Variants in ZNF786 observed in about 807,000 individuals in gnomAD.
ZNF786 encodes zinc finger protein 786.
A neutral mutation model predicts 63.1 loss-of-function variants in ZNF786; 56 were observed. The ratio of observed to expected loss-of-function variants is 0.89; its 90% CI spans 0.72 to 1.11. The LOEUF (loss-of-function observed/expected upper bound fraction) is 1.11. Ranked by LOEUF, ZNF786 falls within the 50% of genes least tolerant of loss-of-function variation. ZNF786 has a pLI of 0.00. For synonymous variants in ZNF786, 485 were observed against 406.9 expected, an observed-to-expected ratio of 1.19 and a Z score of -2.31; for missense variants, 1,213 against 1,041.8, an observed-to-expected ratio of 1.16 and a Z score of -2.26.
intron 2 of ZNF786, among the ~76,000 whole-genome samples, chr7:149,076,014 T>A (rs1468459438): frequency 6.6e-6 from 1 of 152,016 alleles, no homozygotes; most frequent in Non-Finnish European, 1.5e-5. Context: ...AGCCCCTGTA[T>A]ATCCCTCTCC....
intron 1 of ZNF786, among the ~76,000 whole-genome samples, chr7:149,089,905 G>T (rs1300217070): frequency 6.6e-6 from 1 of 151,200 alleles, no homozygotes; most frequent in Non-Finnish European, 1.5e-5. Context: ...AGTAGAGTTG[G>T]GGTTTCACCA....
intron 2 of ZNF786, among the ~76,000 whole-genome samples, chr7:149,077,712 G>C (rs188927811): frequency 1.3e-3 from 194 of 152,156 alleles, no homozygotes; most frequent in Middle Eastern, 3.4e-3. Flanking sequence ...CCAGAACTTG[G>C]GGAGGCCAAG....
In ZNF786 at chr7:149,071,149, C is replaced by G; in HGVS notation, c.1623G>C (p.Lys541Asn). The G allele has an allele frequency of 6.2e-7, 1 of 1,606,980 alleles. No individual in the cohort carries two copies. Among genetic ancestry groups the G allele is most frequent in the South Asian group, 1.1e-5 (1 of 90,504 alleles). The change falls in exon 4 of 4, where the codon AAG (lysine) becomes AAC (asparagine). Residue 541 changes from lysine to asparagine, a missense_variant. Transcript: ENST00000491431. ...CCTTCAGGCGGAAGCGCTTGTCGCA[C>G]TTCAGGCACTGGAAGGGCCTCTCCC... is the stretch of plus-strand genomic sequence containing the variant. ...HSGERPFQCL[K>N]CDKRFRLKGI...
rs1563135649 is a variant in ZNF786, at chr7:149,070,401, G to A, written c.*22C>T. 3.1e-6 allele frequency: 5 copies of A among 1,606,932 alleles called. No homozygotes were observed. In the East Asian group the frequency reaches 8.9e-5, roughly 29 times the overall value. The stretch of plus-strand genomic sequence containing the variant: ...CTGGGCAATACCAATCCTGCTCAAC[G>A]CTTTGGATGTCCCACTCTGCCTCAA... On this transcript the variant is annotated 3_prime_UTR_variant, in exon 4 of 4. Transcript: ENST00000491431.
chr7:149,083,101 T>G (rs1465457310), intron 1 of ZNF786, among the ~76,000 whole-genome samples: 1 of 152,160 alleles, frequency 6.6e-6, no homozygotes, highest in Non-Finnish European at 1.5e-5. Flanking sequence ...TTTCACCATG[T>G]TGGCCAGGCT....
chr7:149,072,899 T>C (rs1478239736), intron 3 of ZNF786, among the ~76,000 whole-genome samples: 1 of 152,202 alleles, frequency 6.6e-6, no homozygotes, highest in African/African-American at 2.4e-5. Flanking sequence ...GTGCCTGGCA[T>C]AGTGCATGTA....
Position 149,071,918 on chromosome 7 carries a change from C to A in ZNF786, c.854G>T (p.Ser285Ile), listed in dbSNP as rs772685522. The change falls in exon 4 of 4, where the codon AGC (serine) becomes ATC (isoleucine). Residue 285 changes from serine (S) to isoleucine (I), a missense_variant. Physicochemically the swap from Ser to Ile is moderately radical, Grantham distance 142. Coordinates refer to ENST00000491431, the MANE Select transcript of ZNF786 (RefSeq NM_152411.4). ...MCFRHELTHP[S>I]HRLPQQGEKP... is the part of the protein sequence containing the mutation. ...CTCCCCCTGCTGCGGGAGGCGGTGG[C>A]TGGGATGGGTCAGCTCGTGTCGGAA... The A allele has an allele frequency of 9.3e-6, 15 of 1,606,552 alleles. No individual in the cohort carries two copies. Among genetic ancestry groups the A allele is most frequent in the Non-Finnish European group, 1.3e-5 (15 of 1,177,306 alleles).
Position 149,072,137 on chromosome 7 carries a change from T to A in ZNF786, c.635A>T (p.Asp212Val). The stretch of plus-strand genomic sequence containing the variant: ...TTTCTCCCAGGCCCTACGTGTCCGG[T>A]CCTTTGAGTGGCCTCTCTGGTGCAT... Reference protein sequence around the residue: ...LVMHQRGHSKDRTRRAWEKFN... With the variant: ...LVMHQRGHSKVRTRRAWEKFN... Residue 212 changes from aspartate (D) to valine (V), a missense_variant, in exon 4 of 4, where the codon GAC becomes GTC. Coordinates refer to ENST00000491431, the MANE Select transcript of ZNF786 (RefSeq NM_152411.4). 6.2e-7 allele frequency: 1 copy of A among 1,613,202 alleles called. No homozygotes were observed. The highest frequency in any genetic ancestry group is 1.7e-5 in the Admixed American group (1 of 59,898).
Position 149,070,762 on chromosome 7 carries a change from G to A in ZNF786, c.2010C>T (p.His670=), listed in dbSNP as rs372936379. The change falls in exon 4 of 4, where the codon CAC becomes CAT. Residue 670 remains histidine (H), a synonymous_variant. Transcript: ENST00000491431. ...GACACTGAAAAGGCTTCTCTCCCGT[G>A]TGCGTTCTGATGTGCTCGATGAGCT... ...HSKLIEHIRT[H]TGEKPFQCPK... 28 of 1,613,678 alleles carry A rather than the reference G, an allele frequency of 1.7e-5. No homozygotes were observed. Among genetic ancestry groups the A allele is most frequent in the Non-Finnish European group, 2.4e-5 (28 of 1,179,956 alleles).
chr7:149,075,245 A>G (rs1161829277), intron 2 of ZNF786, among the ~76,000 whole-genome samples: 1 of 152,178 alleles, frequency 6.6e-6, no homozygotes, highest in Non-Finnish European at 1.5e-5. Context: ...GCTTTAAGTT[A>G]TTATTACTAT....
In ZNF786 at chr7:149,070,334, AAC is replaced by A. The variant is rs909353358; in HGVS notation, c.*87_*88del. 45 of 1,522,774 alleles carry A rather than the reference AAC, an allele frequency of 3.0e-5. No individual in the cohort carries two copies. In the African/African-American group the frequency reaches 5.5e-4, roughly 19 times the overall value. The allele number at this position is 1,522,774 out of a possible 1,614,324, so 94.3% of individuals were successfully genotyped here. A position where few individuals can be genotyped will look rare whatever the true frequency, so the allele number is the denominator to read the frequency against. ...CTCAAAGAAGGATACCTGCTCCTAAAACCCGTCTACCAGCGGGTCTGGCTACT... is the reference window on the plus strand; with the variant it reads ...CTCAAAGAAGGATACCTGCTCCTAAACCGTCTACCAGCGGGTCTGGCTACT... On this transcript the variant is annotated 3_prime_UTR_variant, in exon 4 of 4. Transcript: ENST00000491431.
chr7:149,072,069 G>C lies in ZNF786; in HGVS notation c.703C>G (p.Arg235Gly), dbSNP rs747892425. Residue 235 changes from arginine to glycine, a missense_variant, in exon 4 of 4, where the codon CGG (arginine) becomes GGG (glycine). Coordinates refer to ENST00000491431, the MANE Select transcript of ZNF786 (RefSeq NM_152411.4). ...AETQMPWSSP[R>G]VQRHFRCGVC... Reference sequence around the variant, plus strand: ...CCACACCGGAAGTGCCTCTGTACCCGAGGGCTGCTCCACGGCATCTGCGTC... The same window carrying C: ...CCACACCGGAAGTGCCTCTGTACCCCAGGGCTGCTCCACGGCATCTGCGTC... The C allele has an allele frequency of 4.3e-6, 7 of 1,613,176 alleles. No individual in the cohort carries two copies. The highest frequency in any genetic ancestry group is 5.9e-6 in the Non-Finnish European group (7 of 1,179,696).
In ZNF786 at chr7:149,071,648, C is replaced by T. The variant is rs1276728995; in HGVS notation, c.1124G>A (p.Gly375Asp). The T allele has an allele frequency of 3.8e-6, 6 of 1,573,392 alleles. No individual in the cohort carries two copies. Among genetic ancestry groups the T allele is most frequent in the Non-Finnish European group, 4.3e-6 (5 of 1,164,450 alleles). ...CCTGGCGCTCATAGGGGAGCGCTCG[C>T]CACACTCCGAGCAGGAGCAGGGCCC... ...AEGPCSCSECGERSPMSARLA... is the reference protein window; with the variant it reads ...AEGPCSCSECDERSPMSARLA... Residue 375 changes from glycine (G) to aspartate (D), a missense_variant, in exon 4 of 4, where the codon GGC (glycine) becomes GAC (aspartate). Transcript: ENST00000491431.
At chr7:149,086,794 C>G (rs931051297) in intron 1 of ZNF786, among the ~76,000 whole-genome samples, 27 of 152,186 alleles carry the variant, frequency 1.8e-4, no homozygotes, top group African/African-American at 3.4e-4. Context: ...GGATCCACCC[C>G]CCATGACCTA....
At position 149,071,970 on chromosome 7, in the gene ZNF786, AG is replaced by A. The variant is rs760051623; in HGVS notation, c.801del (p.Phe268SerfsTer14). 3.7e-6 allele frequency: 6 copies of A among 1,612,306 alleles called. No individual in the cohort carries two copies. The Admixed American group carries it at 6.7e-5, about 18-fold the overall frequency. On this transcript the variant is annotated frameshift_variant, in exon 4 of 4. Transcript: ENST00000491431. LOFTEE classifies it high-confidence loss of function. ...RHLAAHTGRG[P>X]FRNADGEMCF... ...CACATTTCACCGTCAGCGTTCCGGA[AG>A]GGGCCCCTCCCCGTGTGGGCCGCCA... is the stretch of plus-strand genomic sequence containing the variant.
chr7:149,071,045 CTGG>C lies in ZNF786; in HGVS notation c.1724_1726del (p.Thr575del). The C allele has an allele frequency of 6.2e-7, 1 of 1,609,900 alleles. No homozygotes were observed. The highest frequency in any genetic ancestry group is 8.5e-7 in the Non-Finnish European group (1 of 1,179,136). ...CAAGTGCTCCGTGAGCTTGGATTGT[CTGG>C]TGAAGCCCTTGCCACACTCCCCGCA... On this transcript the variant is annotated inframe_deletion, in exon 4 of 4. Coordinates refer to ENST00000491431, the MANE Select transcript of ZNF786 (RefSeq NM_152411.4).
Position 149,070,228 on chromosome 7 carries a change from A to T in ZNF786, c.*195T>A. 5 of 667,772 alleles carry T rather than the reference A, an allele frequency of 7.5e-6. No individual in the cohort carries two copies. Among genetic ancestry groups the T allele is most frequent in the Non-Finnish European group, 9.3e-6 (4 of 428,354 alleles). The allele number at this position is 667,772 out of a possible 1,614,324, so 41.4% of individuals were successfully genotyped here. A position where few individuals can be genotyped will look rare whatever the true frequency, so the allele number is the denominator to read the frequency against. ...TCCATCTTGGAAAAAAAAAAAAAAA[A>T]GAAAGAAATATAATTGGTGATGCTT... On this transcript the variant is annotated 3_prime_UTR_variant, in exon 4 of 4. Coordinates refer to ENST00000491431, the MANE Select transcript of ZNF786 (RefSeq NM_152411.4).
At chr7:149,083,179 G>A (rs546274747) in intron 1 of ZNF786, among the ~76,000 whole-genome samples, 99 of 151,728 alleles carry the variant, frequency 6.5e-4, no homozygotes, top group Non-Finnish European at 1.2e-3. Context: ...TTACAGGCGC[G>A]AGCCACCGCA....
rs368418768 is a variant in ZNF786 at position 149,070,893 on chromosome 7, C to T, written c.1879G>A (p.Asp627Asn). ...GERPFQCPECDKRYRVKADMK... is the reference protein window; with the variant it reads ...GERPFQCPECNKRYRVKADMK... The stretch of plus-strand genomic sequence containing the variant: ...TCGGCCTTCACGCGATAGCGCTTGT[C>T]GCACTCCGGACACTGGAAGGGCCTC... The change falls in exon 4 of 4, where the codon GAC becomes AAC. Residue 627 changes from aspartate (D) to asparagine (N), a missense_variant. Transcript: ENST00000491431. 6 of 1,613,646 alleles carry T rather than the reference C, an allele frequency of 3.7e-6. No individual in the cohort carries two copies. The highest frequency in any genetic ancestry group is 1.6e-4 in the Middle Eastern group (1 of 6,084).
Sources: allele counts gnomAD v4.1 joint callset (sites outside exome capture counted in the v4.1 genomes callset), GRCh38; gene constraint gnomAD v4.1.1; transcripts MANE v1.5; gene names NCBI Gene and HGNC (gene_info 2026-07-23, HGNC 2026-07-21).